The following GPHN variants were observed in gnomAD, a reference collection of about 807,000 sequenced individuals.
The protein encoded by GPHN is gephyrin.
In GPHN, 17 loss-of-function variants were observed where a neutral mutation model predicts 95.5. The observed-to-expected ratio is 0.18, with a 90% CI of 0.12 to 0.27. The LOEUF (loss-of-function observed/expected upper bound fraction) is 0.27, where lower values mean the gene tolerates loss of function less well. Among genes scored for constraint, GPHN ranks in the 10% least tolerant of loss-of-function variants. GPHN has a pLI of 1.00. For missense variants in GPHN, 660 were observed against 978.1 expected, an observed-to-expected ratio of 0.67 and a Z score of 4.34; for synonymous variants, 320 against 322.5, an observed-to-expected ratio of 0.99 and a Z score of 0.08.
At chr14:67,691,301 G>A in the GPHN span, 10 of 1,186,622 alleles carry the variant, frequency 8.4e-6, no homozygotes, top group Middle Eastern at 1.9e-4. Flanking sequence ...TTACATCTTA[G>A]AAAGCTGCCT....
At chr14:67,225,481 G>C in the GPHN span, among the ~76,000 whole-genome samples, 1 of 152,166 alleles carries the variant, frequency 6.6e-6, no homozygotes, top group African/African-American at 2.4e-5. Context: ...AGGAGAGAGG[G>C]CTTCAGGTGA....
At chr14:66,885,582 A>G (rs1319349775) in intron 5 of GPHN, among the ~76,000 whole-genome samples, 18 of 152,156 alleles carry the variant, frequency 1.2e-4, no homozygotes, top group Admixed American at 1.2e-3. Context: ...ACAGGCTGCC[A>G]TTGTTTCAAC....
At chr14:66,775,015 T>C (rs1478275378) in intron 2 of GPHN, among the ~76,000 whole-genome samples, 1 of 148,884 alleles carries the variant, frequency 6.7e-6, no homozygotes, top group Non-Finnish European at 1.5e-5. Context: ...CTATACGTTC[T>C]TTTTTTTTTC....
the GPHN span, chr14:67,225,201 T>C: frequency 6.5e-7 from 1 of 1,546,518 alleles, no homozygotes; most frequent in Non-Finnish European, 8.7e-7. Context: ...GGAATGAATG[T>C]GAGGAAAGAA....
chr14:66,852,389 G>T (rs2062621489), intron 4 of GPHN, among the ~76,000 whole-genome samples: 2 of 152,246 alleles, frequency 1.3e-5, no homozygotes, highest in Admixed American at 6.5e-5. Context: ...ATGTGTGTGT[G>T]TGCGTGCGCG....
the GPHN span, among the ~76,000 whole-genome samples, chr14:67,233,486 G>A: frequency 6.6e-6 from 1 of 152,184 alleles, no homozygotes; most frequent in Non-Finnish European, 1.5e-5. Flanking sequence ...GGGCTTTTCC[G>A]TGAGAAAGAA....
intron 2 of GPHN, among the ~76,000 whole-genome samples, chr14:66,740,773 T>A (rs980455881): frequency 3.9e-5 from 6 of 152,200 alleles, no homozygotes; most frequent in Admixed American, 2.0e-4. Context: ...CCTTGAATAT[T>A]TGCAACACAC....
chr14:67,582,035 G>A, the GPHN span: 1 of 1,590,322 alleles, frequency 6.3e-7, no homozygotes, highest in Non-Finnish European at 8.6e-7. This position sits in a 1 kb window ranked among gnomAD's most constrained non-coding sequence, Gnocchi z 5.0. Flanking sequence ...TGGAATCCCT[G>A]CTGAGTCCTG....
At chr14:67,160,569 A>G (rs2081916363) in intron 19 of GPHN, among the ~76,000 whole-genome samples, 1 of 152,152 alleles carries the variant, frequency 6.6e-6, no homozygotes, top group Non-Finnish European at 1.5e-5. Flanking sequence ...GAAATAGTCT[A>G]TCTGTTTAGA....
the GPHN span, among the ~76,000 whole-genome samples, chr14:67,210,231 A>T: frequency 6.6e-6 from 1 of 152,244 alleles, no homozygotes; most frequent in Non-Finnish European, 1.5e-5. Flanking sequence ...ACCAGGAAAT[A>T]GTATGTCGAT....
chr14:67,677,106 T>C, the GPHN span: 1 of 152,114 alleles, frequency 6.6e-6, no homozygotes, highest in Admixed American at 6.5e-5. Context: ...TTCCAGGAAA[T>C]CAAAATCTTT....
the GPHN span, among the ~76,000 whole-genome samples, chr14:67,366,574 C>T: frequency 2.6e-5 from 4 of 152,178 alleles, 1 homozygote; most frequent in Middle Eastern, 0.014. Context: ...AGTACAAATG[C>T]GTGCAATGCA....
At chr14:66,525,910 C>T (rs1238059665) in intron 1 of GPHN, among the ~76,000 whole-genome samples, 1 of 151,936 alleles carries the variant, frequency 6.6e-6, no homozygotes, top group Non-Finnish European at 1.5e-5. Context: ...AGTTTGAAGT[C>T]AGTTAGCATG....
At chr14:67,393,344 G>C in the GPHN span, 2 of 797,660 alleles carry the variant, frequency 2.5e-6, no homozygotes, top group Non-Finnish European at 4.6e-6. Context: ...GTGGCAAATG[G>C]TGTGACACAC....
chr14:67,691,237 C>T, the GPHN span: 2 of 1,612,906 alleles, frequency 1.2e-6, no homozygotes, highest in Admixed American at 1.7e-5. Flanking sequence ...CGTGGAGGTG[C>T]TTTTCCTCTG....
chr14:66,530,614 C>T (rs890177039), intron 1 of GPHN, among the ~76,000 whole-genome samples: 1 of 152,194 alleles, frequency 6.6e-6, no homozygotes, highest in Non-Finnish European at 1.5e-5. Flanking sequence ...ATCTCCTGGT[C>T]TATGGGTTGT....
chr14:66,722,313 CTG>C (rs996506238), intron 2 of GPHN, among the ~76,000 whole-genome samples: 1 of 152,114 alleles, frequency 6.6e-6, no homozygotes, highest in African/African-American at 2.4e-5. Flanking sequence ...TACTTAAAAA[CTG>C]GGGGAAAACC....
At chr14:67,694,739 G>A in the GPHN span, among the ~76,000 whole-genome samples, 1 of 152,050 alleles carries the variant, frequency 6.6e-6, no homozygotes, top group African/African-American at 2.4e-5. Context: ...CACCAGAGAA[G>A]GAAGAGAAAA....
intron 2 of GPHN, among the ~76,000 whole-genome samples, chr14:66,745,624 G>A (rs1206206381): frequency 6.6e-6 from 1 of 151,852 alleles, no homozygotes; most frequent in African/African-American, 2.4e-5. Context: ...GTTAGCAACT[G>A]TGGAAAGTGT....
Sources: gnomAD v4.1 joint callset for allele counts (sites outside exome capture counted in the v4.1 genomes callset) on GRCh38, gnomAD v4.1.1 for gene constraint, Gnocchi (gnomAD v3.1) non-coding constraint, MANE v1.5 for transcripts, NCBI Gene and HGNC (gene_info 2026-07-23, HGNC 2026-07-21) for gene names.